Variants in MCF2L2 observed in about 807,000 individuals in gnomAD.
MCF2L2 encodes the protein MCF.2 cell line derived transforming sequence-like 2, also known as probable guanine nucleotide exchange factor MCF2L2.
Under a neutral mutation model 150.2 loss-of-function variants are expected in MCF2L2, and 102 were observed. That is an observed-to-expected ratio of 0.68 (90% confidence interval 0.58 to 0.80). The LOEUF is 0.80. Ranked by LOEUF, MCF2L2 falls within the 30% of genes least tolerant of loss-of-function variation. The pLI, the probability that MCF2L2 is intolerant of heterozygous loss-of-function variation, is 0.00. For missense variants in MCF2L2, 1,256 were observed against 1,372.8 expected (o/e 0.91, Z 1.34); for synonymous variants, 465 against 491.3 (o/e 0.95, Z 0.71).
intron 15 of MCF2L2, among the ~76,000 whole-genome samples, chr3:183,260,640 AT>A (rs1348748791): frequency 2.0e-5 from 3 of 152,104 alleles, no homozygotes; most frequent in African/African-American, 7.2e-5. Flanking sequence ...GTCTTTACCC[AT>A]TTGTTCATTT....
chr3:183,184,501 C>T (rs1018819312), intron 27 of MCF2L2, among the ~76,000 whole-genome samples: 4 of 152,082 alleles, frequency 2.6e-5, no homozygotes, highest in African/African-American at 4.8e-5. Flanking sequence ...GAAAGGTGGG[C>T]GATGAGAATT....
chr3:183,193,239 T>A, intron 26 of MCF2L2, 143 bp from the exon 27 acceptor site: 1 of 662,064 alleles, frequency 1.5e-6, no homozygotes, highest in Admixed American at 2.3e-5. Flanking sequence ...TCACCTGTAG[T>A]TGAAGACCTG....
At chr3:183,247,773 G>A (rs1724322179) in intron 15 of MCF2L2, among the ~76,000 whole-genome samples, 1 of 152,064 alleles carries the variant, frequency 6.6e-6, no homozygotes, top group Admixed American at 6.5e-5. Context: ...GTAATCCAGA[G>A]ATTATTTAAA....
At chr3:183,358,155 A>G (rs1577088874) in intron 3 of MCF2L2, among the ~76,000 whole-genome samples, 1 of 152,066 alleles carries the variant, frequency 6.6e-6, no homozygotes, top group African/African-American at 2.4e-5. Flanking sequence ...TCTGGGCATG[A>G]TGGCGGGCAC....
chr3:183,407,903 G>A (rs1321859023), intron 1 of MCF2L2, among the ~76,000 whole-genome samples: 1 of 152,112 alleles, frequency 6.6e-6, no homozygotes, highest in African/African-American at 2.4e-5. Context: ...CCTCTTCACG[G>A]CGGGGGAGAA....
chr3:183,387,978 C>T (rs901277217), intron 2 of MCF2L2, among the ~76,000 whole-genome samples: 3 of 144,190 alleles, frequency 2.1e-5, no homozygotes, highest in African/African-American at 7.7e-5. Flanking sequence ...CCCCATCATA[C>T]AGATGAGGAA....
chr3:183,417,403 G>A (rs1169932534), intron 1 of MCF2L2, among the ~76,000 whole-genome samples: 2 of 152,178 alleles, frequency 1.3e-5, no homozygotes, highest in African/African-American at 4.8e-5. Flanking sequence ...AAAGTTGTAA[G>A]TTGAATCATT....
intron 7 of MCF2L2, among the ~76,000 whole-genome samples, chr3:183,317,132 G>A (rs1013536430): frequency 5.3e-5 from 8 of 152,132 alleles, no homozygotes; most frequent in Non-Finnish European, 8.8e-5. Flanking sequence ...GTTCGTTAAG[G>A]TTGAGTTTTT....
intron 2 of MCF2L2, among the ~76,000 whole-genome samples, chr3:183,387,513 T>G (rs1713899749): frequency 6.6e-6 from 1 of 152,168 alleles, no homozygotes; most frequent in Non-Finnish European, 1.5e-5. Context: ...ATAAAAATTA[T>G]CTTACTTGTA....
At chr3:183,229,322 G>C (rs1033299027) in intron 17 of MCF2L2, among the ~76,000 whole-genome samples, 3 of 152,124 alleles carry the variant, frequency 2.0e-5, no homozygotes, top group African/African-American at 4.8e-5. Context: ...TGTGTATCTT[G>C]GTCATCTTTG....
intron 3 of MCF2L2, among the ~76,000 whole-genome samples, chr3:183,365,835 T>C (rs1025078407): frequency 4.0e-5 from 6 of 151,864 alleles, no homozygotes; most frequent in Non-Finnish European, 7.4e-5. Flanking sequence ...GAGAAAAACA[T>C]TTGCAATATA....
At chr3:183,269,819 C>G in intron 15 of MCF2L2, 1 of 1,608,356 alleles carries the variant, frequency 6.2e-7, no homozygotes, top group Non-Finnish European at 8.5e-7. Flanking sequence ...TGGTTAGTGG[C>G]AGAAGAGTCA....
chr3:183,412,073 T>TAAC lies in MCF2L2; in HGVS notation c.76+15826_76+15828dup, dbSNP rs903519076. On this transcript the variant is annotated intron_variant, in intron 1 of 29. Transcript: ENST00000328913. ...GCTAGAAGGAGGCTCAGTACTACCC[T>TAAC]AACAACAACAACAACAAAAACCCAG... Among the ~76,000 whole-genome samples the TAAC allele has an allele frequency of 6.9e-4, 105 of 152,242 alleles. 1 individual carries two copies. The highest frequency in any genetic ancestry group is 4.7e-3 in the Admixed American group (72 of 15,290).
intron 15 of MCF2L2, chr3:183,271,096 T>C (rs1726732906): frequency 1.7e-6 from 1 of 602,412 alleles, no homozygotes. Flanking sequence ...AGCTGTTTAA[T>C]ATCACTTATC....
At chr3:183,387,931 C>CAAAAAAA (rs61024469) in intron 2 of MCF2L2, among the ~76,000 whole-genome samples, 7 of 72,398 alleles carry the variant, frequency 9.7e-5, no homozygotes, top group African/African-American at 3.8e-4. Flanking sequence ...GACTCCATCT[C>CAAAAAAA]AAAAAAAAAA....
chr3:183,359,659 C>G (rs1712008339), intron 3 of MCF2L2, among the ~76,000 whole-genome samples: 1 of 152,194 alleles, frequency 6.6e-6, no homozygotes. Flanking sequence ...TAAACACTTT[C>G]TTGAACAGCA....
At chr3:183,342,386 A>G (rs1003554064) in intron 3 of MCF2L2, among the ~76,000 whole-genome samples, 10 of 152,140 alleles carry the variant, frequency 6.6e-5, no homozygotes, top group African/African-American at 2.4e-4. Flanking sequence ...CTCTTCTAAA[A>G]TCCGGTGCTC....
At chr3:183,204,454 G>T (rs976404943) in intron 25 of MCF2L2, among the ~76,000 whole-genome samples, 1 of 136,782 alleles carries the variant, frequency 7.3e-6, no homozygotes, top group Non-Finnish European at 1.6e-5. Flanking sequence ...TGCCCACTAG[G>T]ATGGCAATGA....
At position 183,227,093 on chromosome 3, in the gene MCF2L2, A is replaced by G. The variant is rs1723371220; in HGVS notation, c.2115+1204T>C. 1 of 152,206 alleles carries G rather than the reference A, an allele frequency of 6.6e-6. No homozygotes were observed. The highest frequency in any genetic ancestry group is 2.1e-4 in the South Asian group (1 of 4,838). The allele number at this position is 152,206 out of a possible 1,614,324, so 9.4% of individuals were successfully genotyped here. ...CATAATATGAGTTGCTTACAACTTT[A>G]AGTTGTTTGATCTGTTGCCTTGGGT... is the stretch of plus-strand genomic sequence containing the variant. On this transcript the variant is annotated intron_variant, in intron 18 of 29. Coordinates refer to ENST00000328913, the MANE Select transcript of MCF2L2 (RefSeq NM_015078.4). The surrounding 1 kb of genome is among the most constrained non-coding windows in gnomAD (Gnocchi z 4.0).
Sources: gnomAD v4.1 joint callset for allele counts (sites outside exome capture counted in the v4.1 genomes callset) on GRCh38, gnomAD v4.1.1 for gene constraint, Gnocchi (gnomAD v3.1) non-coding constraint, MANE v1.5 for transcripts, NCBI Gene and HGNC (gene_info 2026-07-23, HGNC 2026-07-21) for gene names.